Variants in FUNDC1 observed in about 807,000 individuals in gnomAD.
The protein encoded by FUNDC1 is FUN14 domain containing 1.
Under a neutral mutation model 14.5 loss-of-function variants are expected in FUNDC1, and 10 were observed. The ratio of observed to expected loss-of-function variants is 0.69; its 90% CI spans 0.43 to 1.17. The LOEUF (loss-of-function observed/expected upper bound fraction) is 1.17, where lower values mean the gene tolerates loss of function less well. Among genes scored for constraint, FUNDC1 ranks in the 50% most tolerant of loss-of-function variants. The pLI is 0.00. For missense variants in FUNDC1, 115 were observed against 113.8 expected (o/e 1.01, Z -0.05); for synonymous variants, 33 against 39.7 (o/e 0.83, Z 0.64).
At chrX:44,532,593 C>A (rs1043277880) in intron 3 of FUNDC1, among the ~76,000 whole-genome samples, 2 of 106,139 alleles carry the variant, frequency 1.9e-5, no homozygotes, top group Admixed American at 2.1e-4. Context: ...GCTTTTGTCA[C>A]CCAGGCTGGC....
At chrX:44,535,652 A>AT in intron 3 of FUNDC1, among the ~76,000 whole-genome samples, 1 of 88,495 alleles carries the variant, frequency 1.1e-5, no homozygotes, top group South Asian at 6.4e-4. Context: ...CCTGGGTGAC[A>AT]GAGCAAGACT....
In FUNDC1 at chrX:44,542,819, T is replaced by A. The variant is rs34013418; in HGVS notation, c.14A>T (p.Asn5Ile). 194 of 1,165,259 alleles carry A rather than the reference T, an allele frequency of 1.7e-4. No individual in the cohort carries two copies. The African/African-American group carries it at 2.9e-3, about 18-fold the overall frequency. ...TGGCCGCTCACCTTGGGGAGGGGGG[T>A]TCCGGGTCGCCATGATACCGCCAGC... MATR[N>I]PPPQDYESDD... Residue 5 changes from asparagine to isoleucine, a missense_variant, in exon 1 of 5, where the codon AAC (asparagine) becomes ATC (isoleucine). Transcript: ENST00000378045.
rs755455344 is a variant in FUNDC1, at chrX:44,538,682, C to T, written c.186-140G>A. ...CATCCCTTACCTGCTCAGAAACCTT[C>T]TCAGAAACCCCTCAGTTATACAGGC... On this transcript the variant is annotated intron_variant, in intron 2 of 4. Coordinates refer to ENST00000378045, the MANE Select transcript of FUNDC1 (RefSeq NM_173794.4). 116 of 447,355 alleles carry T rather than the reference C, an allele frequency of 2.6e-4. 1 individual carries two copies. In the East Asian group the frequency reaches 4.4e-3, roughly 17 times the overall value. 36.9% of individuals were successfully genotyped at this position (447,355 alleles called of 1,213,427 possible). A position where few individuals can be genotyped will look rare whatever the true frequency, so the allele number is the denominator to read the frequency against.
chrX:44,526,425 G>A (rs978180241), intron 4 of FUNDC1, among the ~76,000 whole-genome samples: 6 of 98,017 alleles, frequency 6.1e-5, no homozygotes, highest in Admixed American at 4.6e-4. Context: ...GCGAGAACCC[G>A]TCTCAAAAAA....
intron 3 of FUNDC1, among the ~76,000 whole-genome samples, chrX:44,534,045 AAC>A (rs2038937832): frequency 1.8e-5 from 2 of 109,205 alleles, no homozygotes; most frequent in African/African-American, 6.7e-5. Context: ...AGCCCAGGTG[AAC>A]AGAGTGAGAC....
chrX:44,531,765 AACACACACACACACAC>A (rs143142516), intron 3 of FUNDC1, among the ~76,000 whole-genome samples: 6 of 87,396 alleles, frequency 6.9e-5, no homozygotes, highest in Admixed American at 2.6e-4. Flanking sequence ...AGAAGCTTAA[AACACACACACACACAC>A]ACACACACAC....
At chrX:44,535,980 C>G (rs1425127486) in intron 3 of FUNDC1, among the ~76,000 whole-genome samples, 1 of 93,660 alleles carries the variant, frequency 1.1e-5, no homozygotes, top group Non-Finnish European at 2.0e-5. Context: ...GAGCAAAACT[C>G]TTGTCTAAAA....
intron 3 of FUNDC1, among the ~76,000 whole-genome samples, chrX:44,531,260 AC>A (rs2038921968): frequency 1.4e-5 from 1 of 71,351 alleles, no homozygotes; most frequent in African/African-American, 8.9e-5. Flanking sequence ...ACACACACAC[AC>A]ACACACACAC....
chrX:44,525,337 G>A (rs1378473521), intron 4 of FUNDC1, among the ~76,000 whole-genome samples: 1 of 108,344 alleles, frequency 9.2e-6, no homozygotes, highest in Non-Finnish European at 1.9e-5. Flanking sequence ...GAGACTATAG[G>A]TGCATGCCAC....
chrX:44,525,380 G>A (rs2038896608), intron 4 of FUNDC1, among the ~76,000 whole-genome samples: 1 of 106,715 alleles, frequency 9.4e-6, no homozygotes, highest in Non-Finnish European at 1.9e-5. Flanking sequence ...GTAGAGACAA[G>A]GTCTCTCTCT....
intron 3 of FUNDC1, among the ~76,000 whole-genome samples, chrX:44,530,485 A>T (rs1326152444): frequency 9.1e-6 from 1 of 109,921 alleles, no homozygotes; most frequent in African/African-American, 3.3e-5. Flanking sequence ...GCATGCCTGT[A>T]ATCCCAGCTA....
chrX:44,539,961 CT>C (rs1569191046), intron 2 of FUNDC1, among the ~76,000 whole-genome samples: 1 of 111,172 alleles, frequency 9.0e-6, no homozygotes, highest in Non-Finnish European at 1.9e-5. Context: ...GCCACCGCAC[CT>C]GGCCTCCACA....
At chrX:44,540,453 T>C (rs1339475669) in intron 2 of FUNDC1, among the ~76,000 whole-genome samples, 1 of 110,205 alleles carries the variant, frequency 9.1e-6, no homozygotes, top group Non-Finnish European at 1.9e-5. Flanking sequence ...TATGTATATA[T>C]ACATATATGT....
intron 1 of FUNDC1, 137 bp from the exon 2 acceptor site, chrX:44,542,238 CTTTA>C (rs2038975171): frequency 2.1e-6 from 1 of 467,895 alleles, no homozygotes; most frequent in Non-Finnish European, 3.6e-6. Context: ...AAACTACTGA[CTTTA>C]TTTAACTCAA....
chrX:44,531,643 T>C (rs1006273455), intron 3 of FUNDC1, among the ~76,000 whole-genome samples: 6 of 109,397 alleles, frequency 5.5e-5, no homozygotes, highest in African/African-American at 2.0e-4. Flanking sequence ...CCAAGGATCA[T>C]CAGACTTGGA....
intron 2 of FUNDC1, among the ~76,000 whole-genome samples, chrX:44,541,050 A>C: frequency 8.9e-6 from 1 of 112,603 alleles, no homozygotes; most frequent in Non-Finnish European, 1.9e-5. Context: ...TGCATGTAAA[A>C]CACAAATCAA....
intron 1 of FUNDC1, chrX:44,542,336 G>A (rs1399762167): frequency 5.1e-6 from 2 of 388,777 alleles, no homozygotes; most frequent in Non-Finnish European, 8.8e-6. Context: ...GACCAGCCTG[G>A]GGTCACGAAG....
intron 3 of FUNDC1, among the ~76,000 whole-genome samples, chrX:44,533,649 A>AAT (rs1412581789): frequency 3.2e-5 from 3 of 94,779 alleles, no homozygotes; most frequent in African/African-American, 1.4e-4. Context: ...AAAAAAAAAA[A>AAT]CAACAAAACA....
chrX:44,531,247 A>AAC (rs759868973), intron 3 of FUNDC1, among the ~76,000 whole-genome samples: 930 of 50,387 alleles, frequency 0.018, 49 homozygotes, highest in Admixed American at 0.057. Flanking sequence ...TTTCCAGAAA[A>AAC]ACACACACAC....
Sources: gnomAD v4.1 joint callset for allele counts (sites outside exome capture counted in the v4.1 genomes callset) on GRCh38, gnomAD v4.1.1 for gene constraint, MANE v1.5 for transcripts, NCBI Gene and HGNC (gene_info 2026-07-23, HGNC 2026-07-21) for gene names.